The following PRMT3 variants were observed in gnomAD, a reference collection of about 807,000 sequenced individuals.
PRMT3 encodes protein arginine methyltransferase 3, also known as protein arginine N-methyltransferase 3.
A neutral mutation model predicts 71.9 loss-of-function variants in PRMT3; 62 were observed. That is an observed-to-expected ratio of 0.86 (90% confidence interval 0.70 to 1.07). The LOEUF is 1.07. Among genes scored for constraint, PRMT3 ranks in the 50% least tolerant of loss-of-function variants. PRMT3 has a pLI of 0.00. For missense variants in PRMT3, 663 were observed against 643.0 expected (o/e 1.03, Z -0.34); for synonymous variants, 213 against 220.4 (o/e 0.97, Z 0.30).
intron 9 of PRMT3, 21 bp from the exon 10 acceptor site, chr11:20,426,744 TC>T: frequency 6.9e-7 from 1 of 1,443,288 alleles, no homozygotes; most frequent in African/African-American, 1.5e-5. Context: ...AACCTACTAA[TC>T]TAATTCATTA....
intron 13 of PRMT3, among the ~76,000 whole-genome samples, chr11:20,488,860 T>C (rs540230460): frequency 6.6e-6 from 1 of 152,298 alleles, no homozygotes; most frequent in Admixed American, 6.5e-5. Context: ...TTTACCTTTA[T>C]ACATATAAAC....
intron 10 of PRMT3, among the ~76,000 whole-genome samples, chr11:20,433,138 T>G (rs527331184): frequency 1.6e-4 from 24 of 152,204 alleles, no homozygotes; most frequent in African/African-American, 5.8e-4. Context: ...TTGTACAAAT[T>G]ATTTCATCAC....
At chr11:20,459,814 A>G (rs1160044663) in intron 11 of PRMT3, among the ~76,000 whole-genome samples, 2 of 152,230 alleles carry the variant, frequency 1.3e-5, no homozygotes, top group African/African-American at 2.4e-5. Flanking sequence ...ACTTCCTTAT[A>G]GCTGATCCTC....
At chr11:20,458,231 T>A (rs1164061267) in intron 11 of PRMT3, among the ~76,000 whole-genome samples, 1 of 152,226 alleles carries the variant, frequency 6.6e-6, no homozygotes, top group East Asian at 1.9e-4. Flanking sequence ...TTGTTTTAAA[T>A]CTTTTTACTC....
chr11:20,429,102 G>A (rs2133355620), intron 10 of PRMT3, among the ~76,000 whole-genome samples: 1 of 152,158 alleles, frequency 6.6e-6, no homozygotes, highest in East Asian at 1.9e-4. Context: ...TCTTTTCCTA[G>A]TTTGTGCTTG....
Position 20,387,954 on chromosome 11 carries a change from G to A in PRMT3, c.29-65G>A, listed in dbSNP as rs759947116. On this transcript the variant is annotated intron_variant, in intron 1 of 15. Transcript: ENST00000331079. The surrounding 1 kb of genome is among the most constrained non-coding windows in gnomAD (Gnocchi z 4.3). The stretch of plus-strand genomic sequence containing the variant: ...GGCGGAGGAGAGCCCATCGTCACCT[G>A]CTCCTCGAGCCCCCGGGCCGCACCG... 6.2e-7 allele frequency: 1 copy of A among 1,608,006 alleles called. No individual in the cohort carries two copies. Among genetic ancestry groups the A allele is most frequent in the Admixed American group, 1.7e-5 (1 of 59,648 alleles).
intron 11 of PRMT3, among the ~76,000 whole-genome samples, chr11:20,459,160 G>A (rs971047336): frequency 3.9e-5 from 6 of 152,162 alleles, no homozygotes; most frequent in African/African-American, 1.4e-4. Flanking sequence ...AAAACTGGCA[G>A]CAGGCTGGAT....
intron 7 of PRMT3, among the ~76,000 whole-genome samples, chr11:20,402,582 C>T (rs956613820): frequency 9.2e-5 from 14 of 152,048 alleles, no homozygotes; most frequent in African/African-American, 3.4e-4. Context: ...GCTGTAGTTT[C>T]CAGGCCCTAT....
chr11:20,452,934 A>G lies in PRMT3; in HGVS notation c.1072+726A>G, dbSNP rs540912987. Among the ~76,000 whole-genome samples the G allele has an allele frequency of 3.3e-5, 5 of 152,304 alleles. No homozygotes were observed. In the South Asian group the frequency reaches 1.0e-3, roughly 32 times the overall value. On this transcript the variant is annotated intron_variant, in intron 11 of 15. Transcript: ENST00000331079. ...TGTAGATGGAGCATCATCCATGTTT[A>G]TTGAATTGAATCATTTAAAGAATCA...
chr11:20,412,779 T>C (rs943274950), intron 9 of PRMT3, among the ~76,000 whole-genome samples: 1 of 152,172 alleles, frequency 6.6e-6, no homozygotes, highest in African/African-American at 2.4e-5. Context: ...CAGGTGTAAC[T>C]GAATCTCCTT....
intron 8 of PRMT3, chr11:20,405,659 T>C (rs989901059): frequency 1.1e-4 from 16 of 152,330 alleles, no homozygotes; most frequent in African/African-American, 3.8e-4. Context: ...TATATATGAA[T>C]GTATGTATGG....
intron 11 of PRMT3, among the ~76,000 whole-genome samples, chr11:20,455,286 G>C (rs1323445345): frequency 6.6e-6 from 1 of 152,172 alleles, no homozygotes; most frequent in Non-Finnish European, 1.5e-5. Flanking sequence ...ACAGCAGGTA[G>C]AAGTGTTCAC....
chr11:20,429,904 C>G (rs1222839786), intron 10 of PRMT3, among the ~76,000 whole-genome samples: 1 of 152,152 alleles, frequency 6.6e-6, no homozygotes, highest in African/African-American at 2.4e-5. Context: ...TTTATGGTAT[C>G]TTCTAAATCC....
chr11:20,430,212 A>AT (rs532854022), intron 10 of PRMT3, among the ~76,000 whole-genome samples: 9 of 151,984 alleles, frequency 5.9e-5, no homozygotes, highest in African/African-American at 1.9e-4. Flanking sequence ...ATAGTTAAGC[A>AT]TTTTTTTTCT....
At chr11:20,404,122 T>G (rs1409647082) in intron 8 of PRMT3, among the ~76,000 whole-genome samples, 3 of 149,546 alleles carry the variant, frequency 2.0e-5, no homozygotes, top group Non-Finnish European at 4.4e-5. Flanking sequence ...AAATAAATGA[T>G]TTCATTTAAA....
intron 10 of PRMT3, among the ~76,000 whole-genome samples, chr11:20,438,017 A>G (rs1376959322): frequency 6.6e-6 from 1 of 152,320 alleles, no homozygotes; most frequent in East Asian, 1.9e-4. Flanking sequence ...AAGCAGCAGC[A>G]GTGGTGCTTG....
At chr11:20,445,512 A>G (rs1168478039) in intron 10 of PRMT3, among the ~76,000 whole-genome samples, 1 of 152,142 alleles carries the variant, frequency 6.6e-6, no homozygotes, top group Non-Finnish European at 1.5e-5. Flanking sequence ...TGCTAGTTAT[A>G]TAAATCTTTG....
At chr11:20,388,503 A>G (rs1226439034) in intron 2 of PRMT3, among the ~76,000 whole-genome samples, 2 of 152,246 alleles carry the variant, frequency 1.3e-5, no homozygotes, top group African/African-American at 4.8e-5. Flanking sequence ...TTTTATGAGG[A>G]CAAGATCGGA....
At chr11:20,484,077 A>G (rs1011489916) in intron 13 of PRMT3, among the ~76,000 whole-genome samples, 1 of 152,192 alleles carries the variant, frequency 6.6e-6, no homozygotes, top group Non-Finnish European at 1.5e-5. Context: ...GATTTCCTAT[A>G]GTCCCTGAAC....
Sources: allele counts gnomAD v4.1 joint callset (sites outside exome capture counted in the v4.1 genomes callset), GRCh38; gene constraint gnomAD v4.1.1; non-coding constraint Gnocchi (gnomAD v3.1); transcripts MANE v1.5; gene names NCBI Gene and HGNC (gene_info 2026-07-23, HGNC 2026-07-21).